The following RBPMS2 variants were observed in gnomAD, a reference collection of about 807,000 sequenced individuals.
RBPMS2 encodes the protein RNA-binding protein with multiple splicing 2.
A neutral mutation model predicts 25.7 loss-of-function variants in RBPMS2; 14 were observed. That is an observed-to-expected ratio of 0.55 (90% confidence interval 0.36 to 0.85). RBPMS2 has a LOEUF of 0.85. RBPMS2 is among the 40% of genes least tolerant of loss of function. RBPMS2 has a pLI of 0.01. For missense variants in RBPMS2, 252 were observed against 283.4 expected (o/e 0.89, Z 0.80); for synonymous variants, 127 against 115.6 (o/e 1.10, Z -0.63).
intron 6 of RBPMS2, among the ~76,000 whole-genome samples, chr15:64,745,285 G>A (rs767593937): frequency 3.9e-5 from 6 of 152,078 alleles, no homozygotes; most frequent in Admixed American, 2.0e-4. Flanking sequence ...AAAACTGCCT[G>A]TTTTTTTCCA....
chr15:64,761,927 C>A (rs949234818), intron 1 of RBPMS2, among the ~76,000 whole-genome samples: 1 of 151,876 alleles, frequency 6.6e-6, no homozygotes, highest in Non-Finnish European at 1.5e-5. Context: ...AGGCTGGTCT[C>A]AAAAACTCCT....
chr15:64,759,281 G>A (rs370673039), intron 1 of RBPMS2, among the ~76,000 whole-genome samples: 113 of 152,276 alleles, frequency 7.4e-4, no homozygotes, highest in Non-Finnish European at 1.5e-3. Context: ...CTCCTAGTAC[G>A]AATAGATCTA....
Position 64,768,234 on chromosome 15 carries a change from C to T in RBPMS2, c.87+6999G>A, listed in dbSNP as rs1039278851. ...AGAATTTAAAATAAAACTGCTTGGG[C>T]GTGGCAACTCACATCTGTAACCCCA... is the stretch of plus-strand genomic sequence containing the variant. On this transcript the variant is annotated intron_variant, in intron 1 of 7. Coordinates refer to ENST00000300069, the MANE Select transcript of RBPMS2 (RefSeq NM_194272.3). Among the ~76,000 whole-genome samples, 3 of 152,156 alleles carry T rather than the reference C, an allele frequency of 2.0e-5. No individual in the cohort carries two copies. The East Asian group carries it at 5.8e-4, about 29-fold the overall frequency.
At chr15:64,767,106 CTT>C (rs913222518) in intron 1 of RBPMS2, among the ~76,000 whole-genome samples, 2 of 150,944 alleles carry the variant, frequency 1.3e-5, no homozygotes, top group African/African-American at 4.9e-5. Context: ...TTTTTTCTCT[CTT>C]TTTTTTTGAG....
intron 4 of RBPMS2, 91 bp downstream of exon 4, chr15:64,749,340 G>T: frequency 7.3e-7 from 1 of 1,374,118 alleles, no homozygotes; most frequent in Non-Finnish European, 1.0e-6. Context: ...CAAGGACTCT[G>T]CCCAGGGATG....
rs768136796 is a variant in RBPMS2, at chr15:64,750,351, C to T, written c.196G>A (p.Ala66Thr). ...GYEGSLIKLT[A>T]RQPVGFVIFD... ...CCTAGGAGAGAAATTACCTGTCTTG[C>T]AGTGAGCTTGATCAGGGACCCTTCA... The change falls in exon 3 of 8, where the codon GCA (alanine) becomes ACA (threonine). Residue 66 changes from alanine to threonine, a missense_variant. Transcript: ENST00000300069. 8.2e-5 allele frequency: 132 copies of T among 1,613,762 alleles called. No individual in the cohort carries two copies. Among genetic ancestry groups the T allele is most frequent in the Non-Finnish European group, 1.0e-4 (123 of 1,179,768 alleles).
chr15:64,764,711 C>G (rs776877814), intron 1 of RBPMS2, among the ~76,000 whole-genome samples: 6 of 150,914 alleles, frequency 4.0e-5, no homozygotes, highest in Non-Finnish European at 7.4e-5. Flanking sequence ...GTCAGGAGAT[C>G]GAGACCATCC....
chr15:64,775,587 TGCGCCGCG>T (rs1390765241), exon 1 of RBPMS2: 1 of 12,246 alleles, frequency 8.2e-5, no homozygotes, highest in African/African-American at 2.4e-3. Flanking sequence ...GACCGGCGAG[TGCGCCGCG>T]GCGGCGGCGG....
intron 6 of RBPMS2, among the ~76,000 whole-genome samples, chr15:64,744,021 G>C (rs931209587): frequency 6.6e-6 from 1 of 150,404 alleles, no homozygotes; most frequent in Non-Finnish European, 1.5e-5. Context: ...CAGGAGGATC[G>C]TGCTTGAGCC....
chr15:64,771,245 A>G (rs940301402), intron 1 of RBPMS2, among the ~76,000 whole-genome samples: 1 of 152,384 alleles, frequency 6.6e-6, no homozygotes, highest in East Asian at 1.9e-4. Flanking sequence ...ACCTCAAAAA[A>G]GTGGTTTTTA....
At chr15:64,764,764 A>C (rs528440884) in intron 1 of RBPMS2, among the ~76,000 whole-genome samples, 33 of 150,554 alleles carry the variant, frequency 2.2e-4, no homozygotes, top group Admixed American at 4.7e-4. Context: ...AAAAGTAAAA[A>C]AAAATTAGCC....
intron 1 of RBPMS2, among the ~76,000 whole-genome samples, chr15:64,762,749 G>C (rs1314138268): frequency 1.3e-5 from 2 of 152,178 alleles, no homozygotes; most frequent in African/African-American, 4.8e-5. Context: ...GTCACACACT[G>C]ACACTCTATG....
chr15:64,745,575 C>A (rs918859221), intron 6 of RBPMS2, among the ~76,000 whole-genome samples: 2 of 152,192 alleles, frequency 1.3e-5, no homozygotes, highest in Admixed American at 6.5e-5. Flanking sequence ...AAAATGAAAT[C>A]CAGTCTGGGA....
chr15:64,751,348 A>AAT (rs11393663), intron 2 of RBPMS2, among the ~76,000 whole-genome samples: 2 of 150,862 alleles, frequency 1.3e-5, no homozygotes, highest in East Asian at 3.9e-4. Context: ...AAAAAAAAAA[A>AAT]GATTCTTACT....
intron 1 of RBPMS2, among the ~76,000 whole-genome samples, chr15:64,753,942 G>T (rs1051624544): frequency 6.6e-6 from 1 of 152,172 alleles, no homozygotes; most frequent in African/African-American, 2.4e-5. Context: ...AGGTGTGCGT[G>T]TGAATCCCCA....
intron 1 of RBPMS2, among the ~76,000 whole-genome samples, chr15:64,759,836 C>G (rs1293756579): frequency 6.6e-6 from 1 of 152,122 alleles, no homozygotes; most frequent in Non-Finnish European, 1.5e-5. Context: ...CCATGCCCGG[C>G]TAATTTTTGT....
intron 6 of RBPMS2, among the ~76,000 whole-genome samples, chr15:64,743,381 C>T (rs1232919040): frequency 6.6e-6 from 1 of 152,242 alleles, no homozygotes; most frequent in Non-Finnish European, 1.5e-5. Flanking sequence ...TGAGGGACTC[C>T]TTGGGGAGAA....
chr15:64,764,934 AAAG>A (rs1277384881), intron 1 of RBPMS2, among the ~76,000 whole-genome samples: 91 of 129,888 alleles, frequency 7.0e-4, no homozygotes, highest in African/African-American at 2.1e-3. Flanking sequence ...AAAAAAAAAA[AAAG>A]AAGAACTGGC....
At chr15:64,749,603 G>T in intron 3 of RBPMS2, 110 bp from the exon 4 acceptor site, 2 of 962,160 alleles carry the variant, frequency 2.1e-6, no homozygotes, top group Admixed American at 2.8e-5. Flanking sequence ...TATTTGCCCT[G>T]CTGATGAGAA....
Sources: allele counts gnomAD v4.1 joint callset (sites outside exome capture counted in the v4.1 genomes callset), GRCh38; gene constraint gnomAD v4.1.1; transcripts MANE v1.5; gene names NCBI Gene and HGNC (gene_info 2026-07-23, HGNC 2026-07-21).